Variants in BIN3 observed in about 807,000 individuals in gnomAD.
BIN3 encodes the protein bridging integrator 3.
Under a neutral mutation model 38.2 loss-of-function variants are expected in BIN3, and 41 were observed. The observed-to-expected ratio is 1.07, with a 90% CI of 0.84 to 1.39. The LOEUF (loss-of-function observed/expected upper bound fraction) is 1.39, where lower values mean the gene tolerates loss of function less well. Ranked by LOEUF, BIN3 falls within the 40% of genes most tolerant of loss-of-function variation. The pLI, the probability that BIN3 is intolerant of heterozygous loss-of-function variation, is 0.00. For missense variants in BIN3, 361 were observed against 324.3 expected, an observed-to-expected ratio of 1.11 and a Z score of -0.87; for synonymous variants, 145 against 122.6, an observed-to-expected ratio of 1.18 and a Z score of -1.21.
chr8:22,662,398 T>C (rs964289003), intron 1 of BIN3, among the ~76,000 whole-genome samples: 5 of 152,222 alleles, frequency 3.3e-5, no homozygotes, highest in Non-Finnish European at 2.9e-5. Context: ...GTTTAATCTG[T>C]TTTTCCTGAT....
intron 1 of BIN3, among the ~76,000 whole-genome samples, chr8:22,665,212 C>T (rs939600774): frequency 1.3e-5 from 2 of 152,112 alleles, no homozygotes; most frequent in Admixed American, 6.5e-5. Flanking sequence ...CCACTTGTGT[C>T]GGTCAATTTA....
At chr8:22,623,815 C>G in intron 8 of BIN3, 100 bp downstream of exon 8, 1 of 1,437,950 alleles carries the variant, frequency 7.0e-7, no homozygotes, top group South Asian at 1.4e-5. Flanking sequence ...GGTGCCCTGT[C>G]TTTACGGAGA....
rs558895593 is a variant in BIN3 at position 22,668,215 on chromosome 8, A to T, written c.8+829T>A. ...AAAGCCCCAGGAAGGCAGGCAAGTC[A>T]CAATTCTCTCCTGTGAACATAAATA... is the stretch of plus-strand genomic sequence containing the variant. On this transcript the variant is annotated intron_variant, in intron 1 of 8. Coordinates refer to ENST00000276416, the MANE Select transcript of BIN3 (RefSeq NM_018688.6). Among the ~76,000 whole-genome samples, 33 of 152,364 alleles carry T rather than the reference A, an allele frequency of 2.2e-4. 2 individuals carry two copies. In the South Asian group the frequency reaches 6.8e-3, roughly 32 times the overall value.
At chr8:22,663,211 T>A (rs969625393) in intron 1 of BIN3, among the ~76,000 whole-genome samples, 2 of 146,688 alleles carry the variant, frequency 1.4e-5, no homozygotes, top group Non-Finnish European at 3.0e-5. Context: ...AGTATAAGTG[T>A]GTGTGTGTGT....
intron 1 of BIN3, among the ~76,000 whole-genome samples, chr8:22,663,813 T>C (rs1428073516): frequency 6.6e-6 from 1 of 152,146 alleles, no homozygotes; most frequent in Non-Finnish European, 1.5e-5. Context: ...TGGATCCTTC[T>C]CTCCCTCCCA....
chr8:22,642,518 T>C (rs1412342212), intron 2 of BIN3, among the ~76,000 whole-genome samples: 1 of 152,236 alleles, frequency 6.6e-6, no homozygotes, highest in African/African-American at 2.4e-5. Context: ...TTGGGAAATC[T>C]AGCTGCCTGG....
intron 1 of BIN3, 33 bp from the exon 2 acceptor site, chr8:22,644,836 G>A: frequency 6.3e-7 from 1 of 1,583,330 alleles, no homozygotes; most frequent in Non-Finnish European, 8.6e-7. Context: ...GAGATATTGT[G>A]AGAAGTGGGG....
chr8:22,658,865 C>T (rs1459291305), intron 1 of BIN3, among the ~76,000 whole-genome samples: 1 of 152,212 alleles, frequency 6.6e-6, no homozygotes, highest in Non-Finnish European at 1.5e-5. Context: ...GGCTGAAATC[C>T]TGGCTCCCCG....
chr8:22,620,418 T>TTG lies in BIN3; in HGVS notation c.*1003_*1004insCA. 2.5e-5 allele frequency: 1 copy of TTG among 39,798 alleles called. No homozygotes were observed. Among genetic ancestry groups the TTG allele is most frequent in the Non-Finnish European group, 4.7e-5 (1 of 21,174 alleles). The allele number at this position is 39,798 out of a possible 1,614,324, so 2.5% of individuals were successfully genotyped here. The stretch of plus-strand genomic sequence containing the variant: ...TTTGACTTTGTATATAAAGTTGGGG[T>TTG]TTTTTTTTTTTTTTTTTGGCTTGTT... On this transcript the variant is annotated 3_prime_UTR_variant, in exon 9 of 9. Transcript: ENST00000276416.
chr8:22,666,104 G>C (rs778990356), intron 1 of BIN3, among the ~76,000 whole-genome samples: 1 of 152,000 alleles, frequency 6.6e-6, no homozygotes, highest in Non-Finnish European at 1.5e-5. Context: ...GGACCCCTAG[G>C]TATAGGGAGA....
intron 1 of BIN3, 40 bp from the exon 2 acceptor site, chr8:22,644,843 G>A (rs761535146): frequency 3.2e-6 from 5 of 1,565,652 alleles, no homozygotes; most frequent in African/African-American, 1.3e-5. Flanking sequence ...TGTGAGAAGT[G>A]GGGAAGGATG....
intron 6 of BIN3, among the ~76,000 whole-genome samples, chr8:22,628,579 T>A (rs1461067862): frequency 6.6e-6 from 1 of 152,124 alleles, no homozygotes; most frequent in Admixed American, 6.5e-5. Context: ...TGGTGGGAAG[T>A]GGCCGGGGTT....
rs554518955 is a variant in BIN3 at position 22,622,005 on chromosome 8, A to G, written c.616-437T>C. Among the ~76,000 whole-genome samples, 36 of 152,350 alleles carry G rather than the reference A, an allele frequency of 2.4e-4. 2 individuals are homozygous for G. The highest frequency in any genetic ancestry group is 2.2e-3 in the Admixed American group (34 of 15,310). On this transcript the variant is annotated intron_variant, in intron 8 of 8. Coordinates refer to ENST00000276416, the MANE Select transcript of BIN3 (RefSeq NM_018688.6). The stretch of plus-strand genomic sequence containing the variant: ...TTTAGAGGCACAGGCAAGAAAGGGG[A>G]TGCCCGTCTAGCCTTCTGTTCCCTC...
intron 1 of BIN3, among the ~76,000 whole-genome samples, chr8:22,663,847 G>A (rs1803324365): frequency 6.6e-6 from 1 of 152,204 alleles, no homozygotes; most frequent in South Asian, 2.1e-4. Flanking sequence ...TATTTGCTAA[G>A]TCAAGGTTCA....
At chr8:22,627,027 G>C (rs892176316) in intron 6 of BIN3, among the ~76,000 whole-genome samples, 1 of 152,152 alleles carries the variant, frequency 6.6e-6, no homozygotes, top group African/African-American at 2.4e-5. Context: ...CAGCCCCCTG[G>C]AACCAAGACC....
At position 22,620,701 on chromosome 8, in the gene BIN3, C is replaced by G. The variant is rs1563935538; in HGVS notation, c.*721G>C. On this transcript the variant is annotated 3_prime_UTR_variant, in exon 9 of 9. Coordinates refer to ENST00000276416, the MANE Select transcript of BIN3 (RefSeq NM_018688.6). ...TCCTCTGCTCGCCTAAGTTACAGCA[C>G]AATACTATGTGGACGTTTCATTGAA... 2 of 152,124 alleles carry G rather than the reference C, an allele frequency of 1.3e-5. No individual in the cohort carries two copies. The highest frequency in any genetic ancestry group is 2.9e-5 in the Non-Finnish European group (2 of 68,040). 9.4% of individuals were successfully genotyped at this position (152,124 alleles called of 1,614,324 possible). A position where few individuals can be genotyped will look rare whatever the true frequency, so the allele number is the denominator to read the frequency against.
chr8:22,653,758 A>G (rs1190226759), intron 1 of BIN3, among the ~76,000 whole-genome samples: 1 of 152,182 alleles, frequency 6.6e-6, no homozygotes, highest in Non-Finnish European at 1.5e-5. Context: ...TTACCACAAC[A>G]TAGGCATGCC....
At chr8:22,641,250 G>A (rs905274890) in intron 2 of BIN3, among the ~76,000 whole-genome samples, 9 of 152,288 alleles carry the variant, frequency 5.9e-5, no homozygotes, top group African/African-American at 2.2e-4. Flanking sequence ...GCTGGGCCAG[G>A]CTGGCGAGGT....
At chr8:22,641,401 G>A (rs928748620) in intron 2 of BIN3, among the ~76,000 whole-genome samples, 9 of 152,252 alleles carry the variant, frequency 5.9e-5, no homozygotes, top group African/African-American at 2.2e-4. Context: ...GCACAGAGTG[G>A]GAACTCAGTA....
Sources: gnomAD v4.1 joint callset for allele counts (sites outside exome capture counted in the v4.1 genomes callset) on GRCh38, gnomAD v4.1.1 for gene constraint, MANE v1.5 for transcripts, NCBI Gene and HGNC (gene_info 2026-07-23, HGNC 2026-07-21) for gene names.